The following CUL2 variants were observed in gnomAD, a reference collection of about 807,000 sequenced individuals.
The protein encoded by CUL2 is cullin 2, also known as cullin-2.
Under a neutral mutation model 110.2 loss-of-function variants are expected in CUL2, and 22 were observed. That is an observed-to-expected ratio of 0.20 (90% CI 0.14 to 0.28). The LOEUF is 0.28. CUL2 is among the 10% of genes least tolerant of loss of function. The pLI, the probability that CUL2 is intolerant of heterozygous loss-of-function variation, is 1.00. For synonymous variants in CUL2, 279 were observed against 293.2 expected (o/e 0.95, Z 0.49); for missense variants, 631 against 905.5 (o/e 0.70, Z 3.89).
At chr10:35,064,061 C>A (rs1270807810) in intron 2 of CUL2, 2 of 152,112 alleles carry the variant, frequency 1.3e-5, no homozygotes, top group Non-Finnish European at 1.5e-5. Flanking sequence ...TAAAGCTATG[C>A]CATCTTATCA....
At chr10:35,093,659 CAAAAAAAAA>C (rs58582764), upstream of CUL2, among the ~76,000 whole-genome samples, 2 of 87,840 alleles carry the variant, frequency 2.3e-5, no homozygotes, top group Non-Finnish European at 4.4e-5. Flanking sequence ...GACCTTCTCT[CAAAAAAAAA>C]AAAAAAAAAA....
chr10:35,062,670 CAAAA>C (rs77853239), intron 3 of CUL2, among the ~76,000 whole-genome samples: 1 of 123,138 alleles, frequency 8.1e-6, no homozygotes. Context: ...CCATCTCTAC[CAAAA>C]AAAAAAAAAA....
rs578171514 is a variant in CUL2 at position 35,059,313 on chromosome 10, T to G, written c.317+1561A>C. On this transcript the variant is annotated intron_variant, in intron 4 of 20. Coordinates refer to ENST00000374749, the MANE Select transcript of CUL2 (RefSeq NM_003591.4). ...GAAAGAGTCAACTGATGCAGCTAAC[T>G]TCATTGTTGTCTTATTTTAAGACAT... Among the ~76,000 whole-genome samples the G allele has an allele frequency of 2.0e-5, 3 of 152,218 alleles. No individual in the cohort carries two copies. In the South Asian group the frequency reaches 6.2e-4, roughly 32 times the overall value.
rs369928960 is a variant in CUL2, at chr10:35,035,279, C to T, written c.895G>A (p.Val299Ile). 98 of 1,613,938 alleles carry T rather than the reference C, an allele frequency of 6.1e-5. 2 individuals are homozygous for T. The highest frequency in any genetic ancestry group is 5.8e-4 in the South Asian group (53 of 91,056). The change falls in exon 10 of 21, where the codon GTC becomes ATC. Residue 299 changes from valine (V) to isoleucine (I), a missense_variant. Coordinates refer to ENST00000374749, the MANE Select transcript of CUL2 (RefSeq NM_003591.4). Reference sequence around the variant, plus strand: ...CCAGTGGACACAGCACGGAGTAAGACGTACATATTTGCCATGTCTGAGAGG... The same window carrying T: ...CCAGTGGACACAGCACGGAGTAAGATGTACATATTTGCCATGTCTGAGAGG... ...EKKNDMANMY[V>I]LLRAVSTGLP...
chr10:35,100,406 G>C (rs542056652), intron 2 of CUL2, among the ~76,000 whole-genome samples: 8 of 152,198 alleles, frequency 5.3e-5, no homozygotes, highest in African/African-American at 1.9e-4. Flanking sequence ...AAGATTGGAG[G>C]CATGGCCCCT....
chr10:35,110,174 A>G (rs2087508534), intron 1 of CUL2, among the ~76,000 whole-genome samples: 1 of 152,192 alleles, frequency 6.6e-6, no homozygotes. Context: ...ACAAAACAAA[A>G]CAACAAATGA....
chr10:35,028,940 C>A, intron 15 of CUL2, 53 bp from the exon 16 acceptor site: 1 of 1,061,302 alleles, frequency 9.4e-7, no homozygotes. Flanking sequence ...CATCTAAATT[C>A]AAAGTAAATA....
intron 1 of CUL2, among the ~76,000 whole-genome samples, chr10:35,080,076 C>T (rs1394715325): frequency 6.6e-6 from 1 of 152,100 alleles, no homozygotes; most frequent in Middle Eastern, 3.2e-3. Flanking sequence ...ACCCCATTGA[C>T]CGTGGGTAAC....
chr10:35,124,629 T>G (rs1290924511), intron 1 of CUL2, among the ~76,000 whole-genome samples: 1 of 152,180 alleles, frequency 6.6e-6, no homozygotes, highest in Non-Finnish European at 1.5e-5. Flanking sequence ...TTGGCAACTC[T>G]GTGGCCTTCC....
chr10:35,049,639 C>A, intron 6 of CUL2, 44 bp downstream of exon 6: 1 of 1,518,926 alleles, frequency 6.6e-7, no homozygotes, highest in Non-Finnish European at 9.1e-7. Context: ...CCATATCAAA[C>A]AACAAAATAA....
intron 1 of CUL2, among the ~76,000 whole-genome samples, chr10:35,082,152 GC>G (rs1319034609): frequency 6.6e-6 from 1 of 151,590 alleles, no homozygotes. Context: ...AAAAAAATTT[GC>G]CTGCAGTGAG....
chr10:35,123,502 G>A (rs531398155), intron 1 of CUL2, among the ~76,000 whole-genome samples: 2 of 152,238 alleles, frequency 1.3e-5, no homozygotes, highest in South Asian at 4.1e-4. Flanking sequence ...AAAAAGGGAT[G>A]GATGCAAGTT....
At chr10:35,081,956 T>C (rs2086955627) in intron 1 of CUL2, among the ~76,000 whole-genome samples, 1 of 152,156 alleles carries the variant, frequency 6.6e-6, no homozygotes, top group Non-Finnish European at 1.5e-5. Flanking sequence ...TTATGGCAGA[T>C]GCATATCAAT....
At chr10:35,109,751 A>G (rs551415188) in intron 1 of CUL2, among the ~76,000 whole-genome samples, 1 of 152,362 alleles carries the variant, frequency 6.6e-6, no homozygotes, top group African/African-American at 2.4e-5. Flanking sequence ...ATGAAAAGGA[A>G]GACCAAAGCC....
chr10:35,011,395 A>C (rs2084898935), intron 20 of CUL2, among the ~76,000 whole-genome samples: 1 of 151,790 alleles, frequency 6.6e-6, no homozygotes, highest in Admixed American at 6.6e-5. Flanking sequence ...AGGCAGGTGG[A>C]TCACCTGAGG....
At chr10:35,049,592 CT>C (rs1379973348) in intron 6 of CUL2, 90 bp downstream of exon 6, 52 of 977,014 alleles carry the variant, frequency 5.3e-5, no homozygotes, top group Non-Finnish European at 7.1e-5. Context: ...AGCCCCAAGG[CT>C]AGTCACTGGC....
chr10:35,089,550 G>A (rs1320216788), intron 1 of CUL2, among the ~76,000 whole-genome samples: 1 of 152,132 alleles, frequency 6.6e-6, no homozygotes, highest in Non-Finnish European at 1.5e-5. Flanking sequence ...TAATCCATGG[G>A]GCAAAGATGT....
At chr10:35,045,545 C>CAAAA (rs35223623) in intron 6 of CUL2, among the ~76,000 whole-genome samples, 2 of 88,504 alleles carry the variant, frequency 2.3e-5, no homozygotes, top group Admixed American at 1.3e-4. Context: ...AGACCCCATA[C>CAAAA]AAAAAAAAAA....
At chr10:35,044,711 T>C (rs377436049) in intron 7 of CUL2, 35 bp from the exon 8 acceptor site, 8 of 1,585,318 alleles carry the variant, frequency 5.0e-6, no homozygotes, top group East Asian at 2.2e-5. Context: ...TAGAAGAAAT[T>C]AGAACAAGCA....
Sources: gnomAD v4.1 joint callset for allele counts (sites outside exome capture counted in the v4.1 genomes callset) on GRCh38, gnomAD v4.1.1 for gene constraint, MANE v1.5 for transcripts, NCBI Gene and HGNC (gene_info 2026-07-23, HGNC 2026-07-21) for gene names.